The following TPO variants were observed in gnomAD, a reference collection of about 807,000 sequenced individuals.
TPO encodes the protein thyroid peroxidase, also known as thyroid microsomal antigen.
In TPO, 78 loss-of-function variants were observed where a neutral mutation model predicts 96.9. The observed-to-expected ratio is 0.81, with a 90% CI of 0.67 to 0.97. The LOEUF is 0.97. Ranked by LOEUF, TPO falls within the 50% of genes least tolerant of loss-of-function variation. TPO has a pLI of 0.00. For missense variants in TPO, 1,252 were observed against 1,274.8 expected (o/e 0.98, Z 0.27); for synonymous variants, 547 against 538.0 (o/e 1.02, Z -0.23).
intron 15 of TPO, among the ~76,000 whole-genome samples, chr2:1,533,361 C>CCCACTGTGTGCAACCTTCCCAAATCCA: frequency 8.6e-6 from 1 of 116,198 alleles, no homozygotes. Flanking sequence ...TCCCAAATCC[C>CCCACTGTGTGCAACCTTCCCAAATCCA]CCCACTGTGT....
intron 14 of TPO, among the ~76,000 whole-genome samples, chr2:1,506,342 A>G (rs1673458510): frequency 6.6e-6 from 1 of 150,888 alleles, no homozygotes; most frequent in East Asian, 1.9e-4. Flanking sequence ...TGCAATAAAC[A>G]TATGTGTGCA....
At chr2:1,507,180 G>C (rs1673554468) in intron 14 of TPO, among the ~76,000 whole-genome samples, 2 of 152,180 alleles carry the variant, frequency 1.3e-5, no homozygotes, top group South Asian at 4.1e-4. Flanking sequence ...GTTTGTCAAA[G>C]ATCAGATAGT....
At chr2:1,500,982 A>C (rs1049433798) in intron 13 of TPO, among the ~76,000 whole-genome samples, 2 of 151,922 alleles carry the variant, frequency 1.3e-5, no homozygotes, top group Non-Finnish European at 2.9e-5. Flanking sequence ...AAAAAAAAAA[A>C]AAAAAACTGG....
intron 1 of TPO, among the ~76,000 whole-genome samples, chr2:1,414,085 G>A (rs771387741): frequency 2.0e-5 from 3 of 152,116 alleles, no homozygotes; most frequent in Non-Finnish European, 2.9e-5. Flanking sequence ...ATTATTCCCA[G>A]TACTGTTACA....
chr2:1,424,794 C>G (rs1010192276), intron 3 of TPO, among the ~76,000 whole-genome samples: 1 of 151,162 alleles, frequency 6.6e-6, no homozygotes. Flanking sequence ...CTCAGAAGTC[C>G]GTGCTCCTTC....
chr2:1,431,221 G>T (rs778689241), intron 3 of TPO, among the ~76,000 whole-genome samples: 6 of 152,136 alleles, frequency 3.9e-5, no homozygotes, highest in Non-Finnish European at 8.8e-5. Flanking sequence ...TCTTGCCCAG[G>T]AAGTCCATGT....
intron 8 of TPO, among the ~76,000 whole-genome samples, chr2:1,482,392 G>A (rs780380966): frequency 7.9e-5 from 12 of 152,216 alleles, no homozygotes; most frequent in Admixed American, 5.9e-4. Context: ...GGGGAACCAG[G>A]AGGCTGGGGT....
At chr2:1,398,296 C>A (rs2148369527) in intron 1 of TPO, among the ~76,000 whole-genome samples, 1 of 152,304 alleles carries the variant, frequency 6.6e-6, no homozygotes, top group African/African-American at 2.4e-5. Context: ...TGGGGCCCAT[C>A]TCCTGACTGC....
At chr2:1,538,639 G>T (rs944268794) in intron 15 of TPO, among the ~76,000 whole-genome samples, 5 of 152,138 alleles carry the variant, frequency 3.3e-5, no homozygotes, top group African/African-American at 1.2e-4. Context: ...TCCAAGACAT[G>T]CTCTGTTAAG....
At chr2:1,481,536 C>T (rs1670640363) in intron 8 of TPO, among the ~76,000 whole-genome samples, 1 of 152,164 alleles carries the variant, frequency 6.6e-6, no homozygotes, top group Admixed American at 6.5e-5. Context: ...GAACCAGACC[C>T]CGGAGGGACT....
Position 1,401,068 on chromosome 2 carries a change from A to G in TPO, n.180+26666A>G, listed in dbSNP as rs537440699. ...ATACTCCTCACCTTGCTGTAAGCTC[A>G]GAGAGCTTCACCTCCAGTCCCCTCC... On this transcript the variant is annotated intron_variant and non_coding_transcript_variant, in intron 1 of 5. Coordinates refer to the TPO transcript ENST00000497517. Among the ~76,000 whole-genome samples the G allele has an allele frequency of 2.2e-4, 33 of 150,802 alleles. 1 individual carries two copies. Among genetic ancestry groups the G allele is most frequent in the Non-Finnish European group, 4.0e-4 (27 of 68,020 alleles).
intron 14 of TPO, among the ~76,000 whole-genome samples, chr2:1,506,715 G>A (rs1422393220): frequency 1.6e-4 from 25 of 152,154 alleles, no homozygotes; most frequent in East Asian, 1.4e-3. Context: ...TCCTTCACCC[G>A]CTTTTTGATG....
intron 14 of TPO, among the ~76,000 whole-genome samples, chr2:1,516,048 C>T (rs1035701722): frequency 2.0e-5 from 3 of 152,152 alleles, no homozygotes; most frequent in East Asian, 1.9e-4. Context: ...AGTTCAGAGC[C>T]GCAGTGGCCC....
At chr2:1,436,456 G>A (rs549459369) in intron 5 of TPO, 72 bp downstream of exon 5, 6 of 1,605,216 alleles carry the variant, frequency 3.7e-6, no homozygotes, top group Middle Eastern at 1.7e-4. Flanking sequence ...CATCATGAAG[G>A]AACTTCTACC....
intron 1 of TPO, among the ~76,000 whole-genome samples, chr2:1,390,061 G>A (rs1025838948): frequency 1.3e-5 from 2 of 149,072 alleles, no homozygotes; most frequent in African/African-American, 5.0e-5. Context: ...GGGTACACAT[G>A]CACAACGTGC....
At chr2:1,505,516 C>T (rs13391557) in intron 14 of TPO, among the ~76,000 whole-genome samples, 54,481 of 100,916 alleles carry the variant, frequency 0.54, 15,664 homozygotes, top group African/African-American at 0.63. Context: ...CACCACCATC[C>T]TGTGTCAAGC....
At chr2:1,375,992 C>T (rs112865613) in intron 1 of TPO, among the ~76,000 whole-genome samples, 11 of 152,334 alleles carry the variant, frequency 7.2e-5, no homozygotes, top group African/African-American at 1.7e-4. Flanking sequence ...CAGGGTGCCA[C>T]GCCCCACACC....
intron 1 of TPO, among the ~76,000 whole-genome samples, chr2:1,397,762 C>T (rs1662104893): frequency 6.6e-6 from 1 of 152,160 alleles, no homozygotes; most frequent in Non-Finnish European, 1.5e-5. Flanking sequence ...CTCTGCCTGG[C>T]AGTTGGCTCC....
chr2:1,510,668 C>G (rs1404930103), intron 14 of TPO, among the ~76,000 whole-genome samples: 1 of 152,198 alleles, frequency 6.6e-6, no homozygotes, highest in Non-Finnish European at 1.5e-5. Context: ...CCCACTACCT[C>G]TCTTCCTCCT....
Sources: allele counts gnomAD v4.1 joint callset (sites outside exome capture counted in the v4.1 genomes callset), GRCh38; gene constraint gnomAD v4.1.1; transcripts MANE v1.5; gene names NCBI Gene and HGNC (gene_info 2026-07-23, HGNC 2026-07-21).